The following DPF2 variants were observed in gnomAD, a reference collection of about 807,000 sequenced individuals.
DPF2 encodes double PHD fingers 2.
A neutral mutation model predicts 59.6 loss-of-function variants in DPF2; 10 were observed. The ratio of observed to expected loss-of-function variants is 0.17; its 90% CI spans 0.10 to 0.28. The LOEUF is 0.28. Among genes scored for constraint, DPF2 ranks in the 10% least tolerant of loss-of-function variants. The pLI is 1.00. For missense variants in DPF2, 315 were observed against 509.4 expected (o/e 0.62, Z 3.67); for synonymous variants, 189 against 190.6 (o/e 0.99, Z 0.07).
chr11:65,335,738 A>G (rs1377551355), intron 1 of DPF2, among the ~76,000 whole-genome samples: 1 of 152,176 alleles, frequency 6.6e-6, no homozygotes, highest in Non-Finnish European at 1.5e-5. Context: ...TCTCTTGATT[A>G]TAGTGTGCCT....
intron 4 of DPF2, among the ~76,000 whole-genome samples, chr11:65,342,986 T>C (rs1284790493): frequency 2.8e-5 from 3 of 105,404 alleles, no homozygotes; most frequent in Admixed American, 1.1e-4. Flanking sequence ...AGAACGAGAC[T>C]CCATCTCAAA....
At chr11:65,335,093 TAAGTTGC>T (rs1950078919) in intron 1 of DPF2, among the ~76,000 whole-genome samples, 1 of 151,106 alleles carries the variant, frequency 6.6e-6, no homozygotes, top group African/African-American at 2.4e-5. Flanking sequence ...TTTTTTTTTT[TAAGTTGC>T]TTTCTGCTCT....
chr11:65,346,165 G>A (rs1391110961), intron 8 of DPF2, 82 bp from the exon 9 acceptor site: 9 of 1,597,240 alleles, frequency 5.6e-6, no homozygotes, highest in Non-Finnish European at 7.7e-6. Context: ...TCCTAACCAA[G>A]AGAAGATGTA....
chr11:65,339,101 C>G (rs902706437), intron 1 of DPF2, among the ~76,000 whole-genome samples: 1 of 152,104 alleles, frequency 6.6e-6, no homozygotes, highest in African/African-American at 2.4e-5. Flanking sequence ...TAAATCAATT[C>G]TGCCCTTGGT....
At chr11:65,344,142 G>C in intron 6 of DPF2, 73 bp downstream of exon 6, 2 of 1,503,508 alleles carry the variant, frequency 1.3e-6, no homozygotes, top group Non-Finnish European at 1.8e-6. Flanking sequence ...AGAGGAGGGA[G>C]GGTTGTGTTT....
intron 1 of DPF2, among the ~76,000 whole-genome samples, chr11:65,335,230 C>T (rs547734978): frequency 5.9e-5 from 9 of 152,260 alleles, no homozygotes; most frequent in African/African-American, 1.9e-4. Flanking sequence ...TTAGAAATGA[C>T]ACTGTTGATC....
rs1854513295 is a variant in DPF2, at chr11:65,345,934, A to T, written c.780A>T (p.Lys260Asn). ...CAAAACTCTTTCTCTCTGTAGCCAA[A>T]AAGGGTCCTGATGGATTGGCCTTGC... The part of the protein sequence containing the change: ...VSQRSEEQKS[K>N]KGPDGLALPN... The change falls in exon 8 of 11, where the codon AAA becomes AAT. Residue 260 changes from lysine to asparagine, a missense_variant. This residue lies in a region of DPF2 where 58 missense variants were observed against 84.6 expected (regional missense o/e 0.69). Transcript: ENST00000528416. 6.2e-7 allele frequency: 1 copy of T among 1,614,012 alleles called. No homozygotes were observed. Among genetic ancestry groups the T allele is most frequent in the Admixed American group, 1.7e-5 (1 of 59,998 alleles).
In DPF2 at chr11:65,341,034, C is replaced by A; in HGVS notation, c.262C>A (p.Pro88Thr). ...RWRKKRRAHP[P>T]EDPRLSFPSI... Reference sequence around the variant, plus strand: ...GCGGAAAAAGCGGCGAGCCCATCCCCCTGAGGATCCACGACTTTCCTTCCC... The same window carrying A: ...GCGGAAAAAGCGGCGAGCCCATCCCACTGAGGATCCACGACTTTCCTTCCC... The change falls in exon 3 of 11, where the codon CCT (proline) becomes ACT (threonine). Residue 88 changes from proline to threonine, a missense_variant. By Grantham distance (38) the Pro-to-Thr change is conservative. Transcript: ENST00000528416. 6.2e-7 allele frequency: 1 copy of A among 1,614,146 alleles called. No homozygotes were observed.
chr11:65,340,749 T>C (rs1436585246), intron 2 of DPF2, among the ~76,000 whole-genome samples: 15 of 152,156 alleles, frequency 9.9e-5, no homozygotes, highest in Non-Finnish European at 2.2e-4. Context: ...GCTGAGGCCA[T>C]TGTGTGTCTG....
intron 5 of DPF2, 70 bp downstream of exon 5, chr11:65,343,907 T>G (rs947492656): frequency 3.6e-5 from 58 of 1,598,800 alleles, no homozygotes; most frequent in Non-Finnish European, 4.8e-5. Context: ...TTATTTCAAG[T>G]GAGATTAGCG....
Position 65,346,071 on chromosome 11 carries a change from G to T in DPF2, c.904+13G>T, listed in dbSNP as rs370206123. The T allele has an allele frequency of 3.1e-6, 5 of 1,614,018 alleles. No individual in the cohort carries two copies. Among genetic ancestry groups the T allele is most frequent in the Non-Finnish European group, 3.4e-6 (4 of 1,179,944 alleles). Reference sequence around the variant, plus strand: ...TGTGGCCGCTCAGGTACTGCTTCCCGTGAAGGCTGCTGCTTTGCCCAGTCC... The same window carrying T: ...TGTGGCCGCTCAGGTACTGCTTCCCTTGAAGGCTGCTGCTTTGCCCAGTCC... On this transcript the variant is annotated intron_variant, in intron 8 of 10. Coordinates refer to ENST00000528416, the MANE Select transcript of DPF2 (RefSeq NM_006268.5).
intron 1 of DPF2, among the ~76,000 whole-genome samples, chr11:65,334,491 A>G (rs1950070393): frequency 6.6e-6 from 1 of 152,246 alleles, no homozygotes; most frequent in African/African-American, 2.4e-5. Flanking sequence ...CCAGAAGGGA[A>G]GGAACTTCAG....
At chr11:65,349,875 A>G (rs1446413397) in intron 10 of DPF2, among the ~76,000 whole-genome samples, 1 of 152,056 alleles carries the variant, frequency 6.6e-6, no homozygotes, top group Non-Finnish European at 1.5e-5. Context: ...ACTGTGCACA[A>G]AGGATGTGGG....
chr11:65,339,900 T>A (rs1338891741), intron 1 of DPF2, among the ~76,000 whole-genome samples: 1 of 152,164 alleles, frequency 6.6e-6, no homozygotes, highest in Non-Finnish European at 1.5e-5. Flanking sequence ...TTTTAATAAG[T>A]CCCCTAGACT....
chr11:65,344,378 G>A, intron 6 of DPF2: 1 of 624,866 alleles, frequency 1.6e-6, no homozygotes, highest in East Asian at 2.7e-5. Context: ...GTTAAGCCAG[G>A]GCCCCAGGGG....
chr11:65,340,819 CTA>C, intron 2 of DPF2, 145 bp from the exon 3 acceptor site: 1 of 864,038 alleles, frequency 1.2e-6, no homozygotes, highest in Non-Finnish European at 1.7e-6. Context: ...TTTCCACAGA[CTA>C]TTCCACCTAA....
chr11:65,342,523 C>T (rs986123225), intron 4 of DPF2, among the ~76,000 whole-genome samples: 25 of 152,236 alleles, frequency 1.6e-4, no homozygotes, highest in African/African-American at 6.0e-4. Context: ...GTTTTTTGGT[C>T]CCTGAGGTTA....
At chr11:65,349,089 A>T (rs180836536) in intron 10 of DPF2, among the ~76,000 whole-genome samples, 158 bp downstream of exon 10, 146 of 152,206 alleles carry the variant, frequency 9.6e-4, no homozygotes, top group African/African-American at 3.2e-3. Context: ...CTAACATTTC[A>T]ACTTAAAGGG....
rs1271394897 is a variant in DPF2 at position 65,345,995 on chromosome 11, A to G, written c.841A>G (p.Lys281Glu). 9 of 1,614,188 alleles carry G rather than the reference A, an allele frequency of 5.6e-6. No homozygotes were observed. The highest frequency in any genetic ancestry group is 1.3e-5 in the African/African-American group (1 of 75,052). The change falls in exon 8 of 11, where the codon AAG (lysine) becomes GAG (glutamate). Residue 281 changes from lysine (K) to glutamate (E), a missense_variant. Coordinates refer to ENST00000528416, the MANE Select transcript of DPF2 (RefSeq NM_006268.5). ...NYCDFCLGDS[K>E]INKKTGQPEE... ...CTGTGACTTCTGCCTGGGGGACTCA[A>G]AGATTAACAAGAAGACGGGACAACC...
Sources: allele counts gnomAD v4.1 joint callset (sites outside exome capture counted in the v4.1 genomes callset), GRCh38; gene constraint gnomAD v4.1.1; regional missense constraint gnomAD v4.1.1; transcripts MANE v1.5; gene names NCBI Gene and HGNC (gene_info 2026-07-23, HGNC 2026-07-21).